The following ELOVL5 variants were observed in gnomAD, a reference collection of about 807,000 sequenced individuals.
The protein encoded by ELOVL5 is ELOVL fatty acid elongase 5, also known as very long chain fatty acid elongase 5.
ELOVL5 carries 8 observed loss-of-function variants against 38.6 expected under a neutral mutation model. The ratio of observed to expected loss-of-function variants is 0.21; its 90% CI spans 0.12 to 0.37. ELOVL5 has a LOEUF of 0.37. Among genes scored for constraint, ELOVL5 ranks in the 10% least tolerant of loss-of-function variants. The pLI is 1.00. For missense variants in ELOVL5, 280 were observed against 367.8 expected, an observed-to-expected ratio of 0.76 and a Z score of 1.95; for synonymous variants, 127 against 133.7, an observed-to-expected ratio of 0.95 and a Z score of 0.34.
chr6:53,321,438 C>A (rs1768300443), intron 1 of ELOVL5, among the ~76,000 whole-genome samples: 1 of 152,138 alleles, frequency 6.6e-6, no homozygotes, highest in South Asian at 2.1e-4. Context: ...TTAATGTTTC[C>A]AAGTTTTCAC....
chr6:53,331,575 A>G (rs567008342), intron 1 of ELOVL5, among the ~76,000 whole-genome samples: 2 of 152,272 alleles, frequency 1.3e-5, no homozygotes, highest in East Asian at 3.9e-4. Context: ...GTTCCATTAT[A>G]ATCTTATGGG....
At chr6:53,329,181 A>AACTACT (rs898773205) in intron 1 of ELOVL5, among the ~76,000 whole-genome samples, 2 of 135,720 alleles carry the variant, frequency 1.5e-5, no homozygotes, top group Admixed American at 6.9e-5. Flanking sequence ...AAGTATAACT[A>AACTACT]ACTACTACTA....
At chr6:53,315,626 G>A (rs1767998524) in intron 1 of ELOVL5, among the ~76,000 whole-genome samples, 1 of 152,138 alleles carries the variant, frequency 6.6e-6, no homozygotes, top group Non-Finnish European at 1.5e-5. Context: ...TGTTATATTA[G>A]TTGTTCTTAA....
At chr6:53,333,403 G>A (rs1167419067) in intron 1 of ELOVL5, among the ~76,000 whole-genome samples, 4 of 152,170 alleles carry the variant, frequency 2.6e-5, no homozygotes, top group African/African-American at 9.7e-5. Flanking sequence ...GACTTGATCT[G>A]AAGAATGGGG....
chr6:53,269,095 G>C lies in ELOVL5; in HGVS notation c.*32C>G. 6.2e-7 allele frequency: 1 copy of C among 1,608,628 alleles called. No individual in the cohort carries two copies. The highest frequency in any genetic ancestry group is 1.3e-5 in the African/African-American group (1 of 74,850). ...ACTCATATTGTGCTTACAATCAGAT[G>C]ACGTGGTTTGGAGGGTTTCAATTCT... On this transcript the variant is annotated 3_prime_UTR_variant, in exon 8 of 8. Coordinates refer to ENST00000304434, the MANE Select transcript of ELOVL5 (RefSeq NM_021814.5).
intron 3 of ELOVL5, among the ~76,000 whole-genome samples, chr6:53,279,926 AT>A (rs1253520981): frequency 1.3e-5 from 2 of 152,204 alleles, no homozygotes; most frequent in African/African-American, 4.8e-5. Flanking sequence ...GAGGATAGCA[AT>A]GTGTCCATGG....
intron 1 of ELOVL5, among the ~76,000 whole-genome samples, chr6:53,319,393 C>A (rs551827094): frequency 6.7e-6 from 1 of 148,422 alleles, no homozygotes; most frequent in African/African-American, 2.5e-5. Context: ...GATTCACATA[C>A]TCAAGTTGTT....
chr6:53,284,576 T>G (rs1165002408), intron 3 of ELOVL5, among the ~76,000 whole-genome samples: 2 of 152,130 alleles, frequency 1.3e-5, no homozygotes, highest in Non-Finnish European at 2.9e-5. Flanking sequence ...AAAGAAAACA[T>G]ATATACACAA....
At chr6:53,284,454 A>G (rs1156740797) in intron 3 of ELOVL5, among the ~76,000 whole-genome samples, 1 of 152,212 alleles carries the variant, frequency 6.6e-6, no homozygotes, top group African/African-American at 2.4e-5. Context: ...TTAAAAATGC[A>G]TGGTAAACAT....
chr6:53,344,157 C>T (rs1224367746), intron 1 of ELOVL5, among the ~76,000 whole-genome samples: 1 of 152,176 alleles, frequency 6.6e-6, no homozygotes, highest in Non-Finnish European at 1.5e-5. Flanking sequence ...CAAAGGTTGG[C>T]CGTGAAGAGG....
chr6:53,317,281 C>A (rs921134981), intron 1 of ELOVL5, among the ~76,000 whole-genome samples: 5 of 152,166 alleles, frequency 3.3e-5, no homozygotes, highest in Admixed American at 6.5e-5. Context: ...TCCAAGAGAA[C>A]CAGATAACCA....
chr6:53,335,502 C>T (rs761842258), intron 1 of ELOVL5, among the ~76,000 whole-genome samples: 1 of 152,126 alleles, frequency 6.6e-6, no homozygotes, highest in Non-Finnish European at 1.5e-5. Flanking sequence ...TCCCCTCCCC[C>T]ACCCCACCAG....
chr6:53,270,949 T>C (rs911090138), intron 6 of ELOVL5, among the ~76,000 whole-genome samples: 1 of 152,238 alleles, frequency 6.6e-6, no homozygotes, highest in Non-Finnish European at 1.5e-5. Flanking sequence ...CTCCAAGCTA[T>C]TTAAACTACC....
intron 1 of ELOVL5, among the ~76,000 whole-genome samples, chr6:53,344,617 T>G (rs1045746391): frequency 6.6e-6 from 1 of 152,170 alleles, no homozygotes; most frequent in Admixed American, 6.5e-5. Context: ...ACCTGTAAAA[T>G]GGGAATGCTG....
At chr6:53,345,885 C>T (rs1400428182) in intron 1 of ELOVL5, among the ~76,000 whole-genome samples, 2 of 152,156 alleles carry the variant, frequency 1.3e-5, no homozygotes, top group Non-Finnish European at 2.9e-5. Flanking sequence ...GGCCTTAATC[C>T]TAGAGATTCT....
chr6:53,305,405 G>A lies in ELOVL5; in HGVS notation c.-8-9698C>T, dbSNP rs1424159932. Among the ~76,000 whole-genome samples, 29 of 151,018 alleles carry A rather than the reference G, an allele frequency of 1.9e-4. 1 individual carries two copies. Among genetic ancestry groups the A allele is most frequent in the African/African-American group, 6.8e-4 (28 of 41,016 alleles). ...ACCCCCCCCCACCTCCCTCCCGGGC[G>A]GGGTGGCTGCCGGGCGGAGACGCTC... is the stretch of plus-strand genomic sequence containing the variant. On this transcript the variant is annotated intron_variant, in intron 1 of 7. Transcript: ENST00000304434.
chr6:53,292,009 T>C, intron 2 of ELOVL5, 46 bp from the exon 3 acceptor site: 1 of 1,265,060 alleles, frequency 7.9e-7, no homozygotes, highest in South Asian at 1.7e-5. Context: ...CATTCACAAC[T>C]TTTCAAACGT....
At chr6:53,311,038 G>C (rs1278778594) in intron 1 of ELOVL5, among the ~76,000 whole-genome samples, 1 of 152,186 alleles carries the variant, frequency 6.6e-6, no homozygotes, top group Non-Finnish European at 1.5e-5. Flanking sequence ...TACCTCAACA[G>C]ACTCTCCAGT....
chr6:53,344,846 C>G (rs1393120564), intron 1 of ELOVL5, among the ~76,000 whole-genome samples: 1 of 152,218 alleles, frequency 6.6e-6, no homozygotes, highest in East Asian at 1.9e-4. Flanking sequence ...TCCCTCTTGC[C>G]TAGAACGCAT....
Sources: allele counts gnomAD v4.1 joint callset (sites outside exome capture counted in the v4.1 genomes callset), GRCh38; gene constraint gnomAD v4.1.1; transcripts MANE v1.5; gene names NCBI Gene and HGNC (gene_info 2026-07-23, HGNC 2026-07-21).